NAALADL2: variants seen among roughly 807,000 people sequenced by gnomAD.
The protein encoded by NAALADL2 is inactive N-acetylated-alpha-linked acidic dipeptidase-like protein 2.
A neutral mutation model predicts 87.2 loss-of-function variants in NAALADL2; 76 were observed. The observed-to-expected ratio is 0.87, with a 90% CI of 0.72 to 1.05. The LOEUF (loss-of-function observed/expected upper bound fraction) is 1.05. Among genes scored for constraint, NAALADL2 ranks in the 50% least tolerant of loss-of-function variants. NAALADL2 has a pLI of 0.00. For missense variants in NAALADL2, 1,089 were observed against 945.8 expected (o/e 1.15, Z -1.99); for synonymous variants, 354 against 331.0 (o/e 1.07, Z -0.75).
chr3:174,510,195 T>C (rs530645730), intron 1 of NAALADL2, among the ~76,000 whole-genome samples: 1 of 152,310 alleles, frequency 6.6e-6, no homozygotes, highest in African/African-American at 2.4e-5. Context: ...TTTGTAGTTT[T>C]CCTTTCTTGT....
rs377473220 is a variant in NAALADL2 at position 175,105,811 on chromosome 3, T to C, written c.545+8520T>C. 2.0e-5 allele frequency among the ~76,000 whole-genome samples: 3 copies of C among 152,038 alleles called. No homozygotes were observed. The East Asian group carries it at 5.8e-4, about 29-fold the overall frequency. ...TGGATGTCTACTATATTCCAGGCAC[T>C]TGGCTAGTCACTCTATAGTTTTTAA... On this transcript the variant is annotated intron_variant, in intron 2 of 13. Coordinates refer to ENST00000454872, the MANE Select transcript of NAALADL2 (RefSeq NM_207015.3).
chr3:175,649,944 T>A (rs1242721942), intron 11 of NAALADL2, among the ~76,000 whole-genome samples: 1 of 151,726 alleles, frequency 6.6e-6, no homozygotes, highest in African/African-American at 2.4e-5. Flanking sequence ...TGGTACAATA[T>A]GGCAGTTTTT....
intron 2 of NAALADL2, among the ~76,000 whole-genome samples, chr3:174,579,188 A>G (rs1156468879): frequency 2.6e-5 from 4 of 151,988 alleles, no homozygotes; most frequent in Non-Finnish European, 5.9e-5. Context: ...CACCCACCCA[A>G]TGGCCTAGCA....
chr3:175,022,689 C>T (rs1751715115), intron 1 of NAALADL2, among the ~76,000 whole-genome samples: 1 of 152,046 alleles, frequency 6.6e-6, no homozygotes, highest in Non-Finnish European at 1.5e-5. Context: ...GACTAGATAC[C>T]AAATCCTTGC....
intron 1 of NAALADL2, among the ~76,000 whole-genome samples, chr3:174,443,022 A>G (rs1236540975): frequency 6.6e-6 from 1 of 152,206 alleles, no homozygotes; most frequent in Non-Finnish European, 1.5e-5. Flanking sequence ...GAGGAGAAGT[A>G]GGATATGGGA....
At chr3:174,577,163 T>G (rs187291434) in intron 2 of NAALADL2, among the ~76,000 whole-genome samples, 1 of 152,232 alleles carries the variant, frequency 6.6e-6, no homozygotes, top group East Asian at 1.9e-4. Context: ...CCTACATATA[T>G]AACACATTTG....
At chr3:175,782,822 G>GT (rs1460576295) in intron 13 of NAALADL2, among the ~76,000 whole-genome samples, 1 of 147,430 alleles carries the variant, frequency 6.8e-6, no homozygotes, top group African/African-American at 2.7e-5. Flanking sequence ...TTTCTTCTAG[G>GT]TTTTTTATGG....
Position 175,047,650 on chromosome 3 carries a change from C to T in NAALADL2, c.44-49140C>T, listed in dbSNP as rs146675759. Among the ~76,000 whole-genome samples the T allele has an allele frequency of 1.8e-3, 280 of 152,152 alleles. 1 individual carries two copies. Among genetic ancestry groups the T allele is most frequent in the African/African-American group, 6.2e-3 (258 of 41,528 alleles). ...CACTCTAAAGTTTTAGTGTCTCAGA[C>T]GGTTTTAGATGAAATTTTACTAGAC... is the stretch of plus-strand genomic sequence containing the variant. On this transcript the variant is annotated intron_variant, in intron 1 of 13. Transcript: ENST00000454872.
intron 2 of NAALADL2, among the ~76,000 whole-genome samples, chr3:174,647,608 A>G (rs983373653): frequency 2.6e-5 from 4 of 152,214 alleles, no homozygotes; most frequent in Non-Finnish European, 5.9e-5. Flanking sequence ...CATATCTGAG[A>G]GCCAGTGCCA....
intron 9 of NAALADL2, among the ~76,000 whole-genome samples, chr3:175,512,969 A>T (rs1409963581): frequency 1.3e-5 from 2 of 152,166 alleles, no homozygotes; most frequent in Non-Finnish European, 2.9e-5. Flanking sequence ...TGCATTGCAG[A>T]GTGAAAAAAA....
At chr3:175,125,544 C>A (rs1056155599) in intron 2 of NAALADL2, among the ~76,000 whole-genome samples, 1 of 151,830 alleles carries the variant, frequency 6.6e-6, no homozygotes, top group African/African-American at 2.4e-5. Context: ...TGAACGGGAT[C>A]CTTTGATTGA....
At chr3:174,871,772 G>C (rs1001114444) in intron 1 of NAALADL2, among the ~76,000 whole-genome samples, 2 of 152,118 alleles carry the variant, frequency 1.3e-5, no homozygotes, top group African/African-American at 4.8e-5. Context: ...GGTGGTGCAT[G>C]CCTGTAGTCC....
intron 5 of NAALADL2, among the ~76,000 whole-genome samples, chr3:175,394,565 A>G (rs1769517454): frequency 6.6e-6 from 1 of 152,222 alleles, no homozygotes; most frequent in Non-Finnish European, 1.5e-5. Flanking sequence ...GTTTTACACA[A>G]CATATTGAGA....
intron 1 of NAALADL2, among the ~76,000 whole-genome samples, chr3:174,936,241 T>A (rs781068108): frequency 3.3e-4 from 50 of 152,240 alleles, no homozygotes; most frequent in Admixed American, 1.3e-3. Flanking sequence ...AGTTTGGAAA[T>A]GACTTTAGTT....
At chr3:174,846,126 T>C (rs1246748391) in intron 3 of NAALADL2, among the ~76,000 whole-genome samples, 1 of 152,178 alleles carries the variant, frequency 6.6e-6, no homozygotes, top group African/African-American at 2.4e-5. Context: ...GTGGCAGTGA[T>C]GGGGACCACC....
intron 5 of NAALADL2, among the ~76,000 whole-genome samples, chr3:175,431,934 AG>A (rs2149164698): frequency 1.3e-5 from 2 of 152,042 alleles, no homozygotes; most frequent in African/African-American, 4.8e-5. Flanking sequence ...TGGGTTGCCA[AG>A]TTGTGACCAT....
chr3:175,353,650 G>A (rs1299802246), intron 5 of NAALADL2, among the ~76,000 whole-genome samples: 1 of 152,152 alleles, frequency 6.6e-6, no homozygotes, highest in African/African-American at 2.4e-5. Flanking sequence ...ACTCTTCAAA[G>A]AAAATGTAGG....
intron 1 of NAALADL2, among the ~76,000 whole-genome samples, chr3:174,992,502 A>G (rs561776161): frequency 1.6e-4 from 25 of 152,180 alleles, no homozygotes; most frequent in Middle Eastern, 6.8e-3. Flanking sequence ...TATTTACTAC[A>G]TTTCCATTCA....
intron 11 of NAALADL2, among the ~76,000 whole-genome samples, chr3:175,708,086 G>T (rs1561011483): frequency 6.6e-6 from 1 of 151,970 alleles, no homozygotes; most frequent in South Asian, 2.1e-4. Flanking sequence ...CAAGGAGTTG[G>T]CCCATTAAGA....
Sources: gnomAD v4.1 joint callset for allele counts (sites outside exome capture counted in the v4.1 genomes callset) on GRCh38, gnomAD v4.1.1 for gene constraint, MANE v1.5 for transcripts, NCBI Gene and HGNC (gene_info 2026-07-23, HGNC 2026-07-21) for gene names.